Variants in NRXN3 observed in about 807,000 individuals in gnomAD.
NRXN3 encodes neurexin III.
NRXN3 carries 32 observed loss-of-function variants against 137.6 expected under a neutral mutation model. That is an observed-to-expected ratio of 0.23 (90% CI 0.18 to 0.31). The LOEUF is 0.31. Among genes scored for constraint, NRXN3 ranks in the 10% least tolerant of loss-of-function variants. The pLI is 1.00. For synonymous variants in NRXN3, 798 were observed against 784.5 expected (o/e 1.02, Z -0.29); for missense variants, 1,574 against 2,062.5 (o/e 0.76, Z 4.59).
intron 16 of NRXN3, among the ~76,000 whole-genome samples, chr14:79,659,416 T>C (rs1382788900): frequency 6.6e-6 from 1 of 152,186 alleles, no homozygotes; most frequent in East Asian, 1.9e-4. Context: ...TTACAAAGAA[T>C]GTAGAGAGAT....
At chr14:79,304,272 C>T (rs1054834255) in intron 15 of NRXN3, among the ~76,000 whole-genome samples, 5 of 152,192 alleles carry the variant, frequency 3.3e-5, no homozygotes, top group East Asian at 1.9e-4. Flanking sequence ...TCAGTTCCCT[C>T]ACTCTGTAGG....
At chr14:78,378,352 G>T (rs2153627872) in intron 4 of NRXN3, among the ~76,000 whole-genome samples, 1 of 152,230 alleles carries the variant, frequency 6.6e-6, no homozygotes, top group East Asian at 1.9e-4. Flanking sequence ...AGGCATGGTG[G>T]TGCACAGCTA....
intron 15 of NRXN3, among the ~76,000 whole-genome samples, chr14:79,082,391 T>TTGTGTGTGTGTGTGTGTGTGTGTG (rs57728169): frequency 4.1e-5 from 6 of 146,936 alleles, no homozygotes; most frequent in Admixed American, 3.4e-4. Context: ...TGCAAACTAA[T>TTGTGTGTGTGTGTGTGTGTGTGTG]TGTGTGTGTG....
rs113818521 is a variant in NRXN3 at position 79,530,854 on chromosome 14, C to T, written c.3444+63452C>T. On this transcript the variant is annotated intron_variant, in intron 16 of 20. Transcript: ENST00000335750. ...GCATTATCAAACCATTTGTTGTGCT[C>T]CCTTTTTCTTGAATTGATGGAAAAT... is the stretch of plus-strand genomic sequence containing the variant. Among the ~76,000 whole-genome samples the T allele has an allele frequency of 2.7e-3, 415 of 152,192 alleles. 1 individual carries two copies. The highest frequency in any genetic ancestry group is 9.8e-3 in the African/African-American group (406 of 41,526).
intron 15 of NRXN3, among the ~76,000 whole-genome samples, chr14:79,043,334 A>G (rs999448902): frequency 6.6e-6 from 1 of 152,176 alleles, no homozygotes; most frequent in Non-Finnish European, 1.5e-5. Context: ...AGATTTGAGA[A>G]CAAAGCAACC....
At chr14:78,357,411 A>G (rs1360709808) in intron 4 of NRXN3, among the ~76,000 whole-genome samples, 1 of 152,120 alleles carries the variant, frequency 6.6e-6, no homozygotes, top group Non-Finnish European at 1.5e-5. Flanking sequence ...GAATTGTGGG[A>G]GTTACAATTC....
chr14:78,577,778 G>A (rs1449003399), intron 4 of NRXN3, among the ~76,000 whole-genome samples: 1 of 152,176 alleles, frequency 6.6e-6, no homozygotes. Context: ...GAGGGTCACA[G>A]AAGTTAAATA....
intron 19 of NRXN3, among the ~76,000 whole-genome samples, chr14:79,762,233 T>C (rs2099041158): frequency 6.6e-6 from 1 of 151,684 alleles, no homozygotes; most frequent in Admixed American, 6.6e-5. Flanking sequence ...AAGCAGGTTA[T>C]GGCAGTATAT....
In NRXN3 at chr14:78,726,965, A is replaced by AAAAAC. The variant is rs754239275; in HGVS notation, c.2044+11830_2044+11831insCAAAA. Among the ~76,000 whole-genome samples the AAAAAC allele has an allele frequency of 2.5e-3, 375 of 151,720 alleles. 3 individuals carry two copies. Among genetic ancestry groups the AAAAAC allele is most frequent in the Admixed American group, 5.1e-3 (77 of 15,218 alleles). ...CTATACAGGATTTATTCACTAAAAA[A>AAAAAC]AAAAAAAAAAAAACCTTCACTAGGT... On this transcript the variant is annotated intron_variant, in intron 8 of 20. Transcript: ENST00000335750.
chr14:78,582,493 T>A (rs570488657), intron 4 of NRXN3, among the ~76,000 whole-genome samples: 2 of 152,290 alleles, frequency 1.3e-5, no homozygotes, highest in South Asian at 4.1e-4. Context: ...GATGGGACCC[T>A]TAAGAGGTGA....
intron 10 of NRXN3, among the ~76,000 whole-genome samples, chr14:78,875,314 A>G (rs540809209): frequency 1.3e-5 from 2 of 152,328 alleles, no homozygotes; most frequent in African/African-American, 2.4e-5. Context: ...CCACATTTTT[A>G]TGTACTGCTA....
intron 4 of NRXN3, among the ~76,000 whole-genome samples, chr14:78,623,850 G>A (rs1450446861): frequency 2.0e-5 from 3 of 152,194 alleles, no homozygotes; most frequent in African/African-American, 7.2e-5. Flanking sequence ...TTACAGTCAT[G>A]CGTGAGCCAT....
chr14:78,768,534 A>G (rs1205668457), intron 8 of NRXN3, among the ~76,000 whole-genome samples: 1 of 152,218 alleles, frequency 6.6e-6, no homozygotes, highest in Non-Finnish European at 1.5e-5. Context: ...GAATCACTAC[A>G]TGATAAGAAA....
intron 10 of NRXN3, among the ~76,000 whole-genome samples, chr14:78,948,628 C>CTTTTTTTTTTTTTTTTTTTTTTTTT (rs201010514): frequency 3.7e-5 from 4 of 108,604 alleles, no homozygotes; most frequent in Non-Finnish European, 5.7e-5. Flanking sequence ...ACACATTTAA[C>CTTTTTTTTTTTTTTTTTTTTTTTTT]TTTTTTTTTT....
At chr14:78,634,398 T>C (rs1376277489) in intron 4 of NRXN3, among the ~76,000 whole-genome samples, 2 of 152,216 alleles carry the variant, frequency 1.3e-5, no homozygotes, top group Non-Finnish European at 2.9e-5. Flanking sequence ...ACAGGAGATT[T>C]TGAAAAGGCA....
intron 4 of NRXN3, among the ~76,000 whole-genome samples, chr14:78,409,517 T>C (rs942312716): frequency 6.6e-6 from 1 of 152,166 alleles, no homozygotes; most frequent in African/African-American, 2.4e-5. Flanking sequence ...AAAATTATTA[T>C]CTCTCTCTCG....
chr14:78,634,834 GTGTA>G (rs1237091366), intron 4 of NRXN3, among the ~76,000 whole-genome samples: 2 of 152,128 alleles, frequency 1.3e-5, no homozygotes, highest in Non-Finnish European at 2.9e-5. Context: ...ATATAGCTAT[GTGTA>G]TGTATGTGTA....
chr14:78,802,499 G>A (rs111468706), intron 8 of NRXN3, among the ~76,000 whole-genome samples: 7,098 of 152,190 alleles, frequency 0.047, 444 homozygotes, highest in African/African-American at 0.14. Flanking sequence ...TAACCTGCAC[G>A]TTGTGCACAT....
intron 15 of NRXN3, among the ~76,000 whole-genome samples, chr14:79,197,831 A>G (rs2065344926): frequency 6.6e-6 from 1 of 152,228 alleles, no homozygotes; most frequent in Admixed American, 6.5e-5. Flanking sequence ...GCTATTTGAT[A>G]GCATTTTACC....
Sources: gnomAD v4.1 joint callset for allele counts (sites outside exome capture counted in the v4.1 genomes callset) on GRCh38, gnomAD v4.1.1 for gene constraint, MANE v1.5 for transcripts, NCBI Gene and HGNC (gene_info 2026-07-23, HGNC 2026-07-21) for gene names.